ARHGAP25: variants seen among roughly 807,000 people sequenced by gnomAD.
ARHGAP25 encodes Rho GTPase activating protein 25.
A neutral mutation model predicts 71.0 loss-of-function variants in ARHGAP25; 34 were observed. The observed-to-expected ratio is 0.48, with a 90% confidence interval of 0.36 to 0.64. ARHGAP25 has a LOEUF of 0.64. Among genes scored for constraint, ARHGAP25 ranks in the 30% least tolerant of loss-of-function variants. The probability of loss-of-function intolerance (pLI) is 0.00; values close to 1 mark genes in which losing one functional copy is unlikely to be tolerated. For missense variants in ARHGAP25, 706 were observed against 805.1 expected (o/e 0.88, Z 1.49); for synonymous variants, 282 against 296.5 (o/e 0.95, Z 0.50).
At chr2:68,796,601 T>A (rs7574676) in intron 4 of ARHGAP25, among the ~76,000 whole-genome samples, 1 of 152,210 alleles carries the variant, frequency 6.6e-6, no homozygotes, top group Non-Finnish European at 1.5e-5. Flanking sequence ...ATGATTTCCT[T>A]GGTCATAAAT....
chr2:68,735,214 G>C lies in ARHGAP25; in HGVS notation c.15G>C (p.Leu5Phe), dbSNP rs770898250. 4 of 1,614,010 alleles carry C rather than the reference G, an allele frequency of 2.5e-6. No homozygotes were observed. Among genetic ancestry groups the C allele is most frequent in the Non-Finnish European group, 3.4e-6 (4 of 1,179,982 alleles). MSLKLPRNWDFNLKV... is the reference protein window; with the variant it reads MSLKFPRNWDFNLKV... Reference sequence around the variant, plus strand: ...CTGGAAGCAAAATGTCCCTAAAATTGCCAAGGAACTGGGATTTCAACCTGA... The same window carrying C: ...CTGGAAGCAAAATGTCCCTAAAATTCCCAAGGAACTGGGATTTCAACCTGA... The change falls in exon 1 of 11, where the codon TTG (leucine) becomes TTC (phenylalanine). Residue 5 changes from leucine to phenylalanine, a missense_variant. Physicochemically the swap from Leu to Phe is conservative, Grantham distance 22. Transcript: ENST00000409202.
intron 1 of ARHGAP25, among the ~76,000 whole-genome samples, chr2:68,758,458 A>C (rs1676610749): frequency 6.6e-6 from 1 of 152,014 alleles, no homozygotes; most frequent in African/African-American, 2.4e-5. Flanking sequence ...ATGAGTGACT[A>C]TACTAATATC....
intron 2 of ARHGAP25, among the ~76,000 whole-genome samples, chr2:68,718,694 C>T (rs1004695256): frequency 1.3e-5 from 2 of 152,122 alleles, no homozygotes; most frequent in Non-Finnish European, 2.9e-5. Flanking sequence ...CTAAGTGGTA[C>T]GGGTACTAGC....
Position 68,807,341 on chromosome 2 carries a change from A to G in ARHGAP25, c.535A>G (p.Ile179Val). Residue 179 changes from isoleucine (I) to valine (V), a missense_variant, in exon 5 of 11, where the codon ATC becomes GTC. By Grantham distance (29) the Ile-to-Val change is conservative. Coordinates refer to ENST00000409202, the MANE Select transcript of ARHGAP25 (RefSeq NM_001007231.3). ...EQKFGPHLVP[I>V]LVEKCAEFIL... ...GAAATTCGGCCCCCATCTGGTGCCC[A>G]TCCTGGTGGAGAAATGTGCAGAGTT... is the stretch of plus-strand genomic sequence containing the variant. 5 of 1,614,232 alleles carry G rather than the reference A, an allele frequency of 3.1e-6. No homozygotes were observed. Among genetic ancestry groups the G allele is most frequent in the Non-Finnish European group, 4.2e-6 (5 of 1,180,038 alleles).
intron 1 of ARHGAP25, among the ~76,000 whole-genome samples, chr2:68,758,219 T>G (rs1676597290): frequency 6.6e-6 from 1 of 151,928 alleles, no homozygotes; most frequent in African/African-American, 2.4e-5. Flanking sequence ...CTGTAAGGTA[T>G]GTAGAAAATA....
At chr2:68,760,122 C>T (rs1676712037) in intron 1 of ARHGAP25, among the ~76,000 whole-genome samples, 1 of 151,902 alleles carries the variant, frequency 6.6e-6, no homozygotes, top group Non-Finnish European at 1.5e-5. Context: ...GTCATGTATT[C>T]GACAAGATTC....
In ARHGAP25 at chr2:68,735,272, G is replaced by A. The variant is rs1573390310; in HGVS notation, c.61+12G>A. 1.9e-6 allele frequency: 3 copies of A among 1,613,518 alleles called. No individual in the cohort carries two copies. Among genetic ancestry groups the A allele is most frequent in the African/African-American group, 2.7e-5 (2 of 75,020 alleles). ...GGCTGCGAAAATAGGTATGGTTGGT[G>A]TCTTTTCGTTGCCTCTGTGATTCTT... On this transcript the variant is annotated intron_variant, in intron 1 of 10. Coordinates refer to ENST00000409202, the MANE Select transcript of ARHGAP25 (RefSeq NM_001007231.3).
chr2:68,721,950 C>T (rs1374146460), intron 2 of ARHGAP25, among the ~76,000 whole-genome samples: 2 of 152,210 alleles, frequency 1.3e-5, no homozygotes, highest in African/African-American at 2.4e-5. Context: ...CTGGGTGTGT[C>T]ATTGTTCGCA....
In ARHGAP25 at chr2:68,817,966, G is replaced by A. The variant is rs753970168; in HGVS notation, c.975G>A (p.Lys325=). 4.3e-6 allele frequency: 7 copies of A among 1,614,176 alleles called. No homozygotes were observed. The highest frequency in any genetic ancestry group is 2.2e-5 in the East Asian group (1 of 44,874). The part of the protein sequence containing the change: ...TVIGVNLIRS[K]VEDPAVIMRG... ...TTGGTGTGAATCTCATCAGGTCGAA[G>A]GTCGAAGACCCTGCCGTGATCATGA... Residue 325 remains lysine (K), a synonymous_variant, in exon 8 of 11, where the codon AAG becomes AAA. Coordinates refer to ENST00000409202, the MANE Select transcript of ARHGAP25 (RefSeq NM_001007231.3).
At chr2:68,784,089 A>G (rs1678552178) in intron 3 of ARHGAP25, among the ~76,000 whole-genome samples, 1 of 151,932 alleles carries the variant, frequency 6.6e-6, no homozygotes, top group Non-Finnish European at 1.5e-5. Context: ...TCTCATTATC[A>G]CTTATGTTTG....
intron 4 of ARHGAP25, among the ~76,000 whole-genome samples, chr2:68,802,407 C>CAAAAAAAA (rs10688959): frequency 9.7e-5 from 8 of 82,134 alleles, no homozygotes; most frequent in Non-Finnish European, 1.1e-4. Context: ...GACTCCATCT[C>CAAAAAAAA]AAAAAAAAAA....
At chr2:68,825,911 A>T in intron 10 of ARHGAP25, 76 bp from the exon 11 acceptor site, 1 of 1,254,696 alleles carries the variant, frequency 8.0e-7, no homozygotes, top group Non-Finnish European at 1.1e-6. Flanking sequence ...AATGAGCAGC[A>T]GGTTGTGAGC....
At chr2:68,718,885 C>T (rs563086211) in intron 2 of ARHGAP25, among the ~76,000 whole-genome samples, 1 of 152,272 alleles carries the variant, frequency 6.6e-6, no homozygotes, top group East Asian at 1.9e-4. Context: ...TGATTAGAAG[C>T]TTAGCACTTT....
At chr2:68,726,592 T>C (rs1426782142) in intron 2 of ARHGAP25, among the ~76,000 whole-genome samples, 4 of 152,360 alleles carry the variant, frequency 2.6e-5, no homozygotes, top group South Asian at 2.1e-4. Flanking sequence ...GGCCTCCAGA[T>C]ATAAATTTTT....
intron 1 of ARHGAP25, among the ~76,000 whole-genome samples, chr2:68,739,696 G>A (rs573082616): frequency 4.6e-5 from 7 of 152,258 alleles, no homozygotes; most frequent in Middle Eastern, 3.4e-3. Flanking sequence ...AAATAGTACC[G>A]GAAGAGCATG....
chr2:68,803,496 A>G (rs1381634098), intron 4 of ARHGAP25, among the ~76,000 whole-genome samples: 1 of 152,108 alleles, frequency 6.6e-6, no homozygotes, highest in Non-Finnish European at 1.5e-5. Context: ...CATTTTTATT[A>G]CAAGTATATG....
At chr2:68,739,703 C>T (rs1409814877) in intron 1 of ARHGAP25, among the ~76,000 whole-genome samples, 2 of 152,096 alleles carry the variant, frequency 1.3e-5, no homozygotes, top group Non-Finnish European at 2.9e-5. Flanking sequence ...ACCGGAAGAG[C>T]ATGACGGAGA....
intron 4 of ARHGAP25, 91 bp from the exon 5 acceptor site, chr2:68,807,182 C>T: frequency 1.6e-6 from 2 of 1,279,442 alleles, no homozygotes; most frequent in Non-Finnish European, 1.1e-6. Context: ...GCAATAAAAC[C>T]TGTGAAGACA....
At position 68,819,184 on chromosome 2, in the gene ARHGAP25, C is replaced by A. The variant is rs147150060; in HGVS notation, c.1065C>A (p.Pro355=). Reference sequence around the variant, plus strand: ...TCAGAGACCATGAAGTCCTCTTCCCCAAGTCCAAGGATATACCCCTGTCAC... The same window carrying A: ...TCAGAGACCATGAAGTCCTCTTCCCAAAGTCCAAGGATATACCCCTGTCAC... ...MMIRDHEVLF[P]KSKDIPLSPP... Residue 355 remains proline, a synonymous_variant, in exon 9 of 11, where the codon CCC becomes CCA. Coordinates refer to ENST00000409202, the MANE Select transcript of ARHGAP25 (RefSeq NM_001007231.3). The A allele has an allele frequency of 1.2e-6, 2 of 1,607,844 alleles. No homozygotes were observed. The highest frequency in any genetic ancestry group is 1.7e-6 in the Non-Finnish European group (2 of 1,176,734).
Sources: gnomAD v4.1 joint callset for allele counts (sites outside exome capture counted in the v4.1 genomes callset) on GRCh38, gnomAD v4.1.1 for gene constraint, MANE v1.5 for transcripts, NCBI Gene and HGNC (gene_info 2026-07-23, HGNC 2026-07-21) for gene names.